Variants in PREX2 observed in about 807,000 individuals in gnomAD.
PREX2 encodes phosphatidylinositol 3,4,5-trisphosphate-dependent Rac exchanger 2 protein.
In PREX2, 107 loss-of-function variants were observed where a neutral mutation model predicts 203.2. That is an observed-to-expected ratio of 0.53 (90% CI 0.45 to 0.62). The LOEUF (loss-of-function observed/expected upper bound fraction) is 0.62, where lower values mean the gene tolerates loss of function less well. Among genes scored for constraint, PREX2 ranks in the 20% least tolerant of loss-of-function variants. PREX2 has a pLI of 0.00. For synonymous variants in PREX2, 672 were observed against 663.6 expected (o/e 1.01, Z -0.19); for missense variants, 1,777 against 1,955.9 (o/e 0.91, Z 1.72).
intron 38 of PREX2, among the ~76,000 whole-genome samples, chr8:68,223,038 G>A (rs893757399): frequency 2.0e-5 from 3 of 152,204 alleles, no homozygotes; most frequent in East Asian, 1.9e-4. Context: ...ACAGGTAAGC[G>A]AAAGGCAATA....
intron 25 of PREX2, among the ~76,000 whole-genome samples, chr8:68,113,379 T>C (rs1415853396): frequency 1.3e-5 from 2 of 152,238 alleles, no homozygotes; most frequent in Non-Finnish European, 2.9e-5. Flanking sequence ...CCTGCATTTT[T>C]TCCCTCTTTG....
intron 34 of PREX2, among the ~76,000 whole-genome samples, chr8:68,151,306 A>G (rs1165613435): frequency 6.6e-6 from 1 of 152,006 alleles, no homozygotes; most frequent in Non-Finnish European, 1.5e-5. Context: ...AGTCCTACGT[A>G]TTCGGGAGAC....
intron 31 of PREX2, among the ~76,000 whole-genome samples, chr8:68,132,433 G>A (rs1811026813): frequency 6.6e-6 from 1 of 151,720 alleles, no homozygotes; most frequent in African/African-American, 2.4e-5. Flanking sequence ...TACCAAAGCA[G>A]CATGTTTCTA....
chr8:67,971,854 T>C (rs1354994183), intron 1 of PREX2, among the ~76,000 whole-genome samples: 3 of 152,240 alleles, frequency 2.0e-5, no homozygotes, highest in African/African-American at 7.2e-5. Context: ...GAAGTACTCC[T>C]GACGTGGGAA....
chr8:68,141,230 T>A (rs1298633969), intron 33 of PREX2, among the ~76,000 whole-genome samples: 1 of 152,196 alleles, frequency 6.6e-6, no homozygotes, highest in Non-Finnish European at 1.5e-5. Context: ...TCTGCATCAG[T>A]TTAGGAGAAT....
At chr8:68,041,214 A>G (rs1808187378) in intron 7 of PREX2, among the ~76,000 whole-genome samples, 1 of 152,190 alleles carries the variant, frequency 6.6e-6, no homozygotes, top group African/African-American at 2.4e-5. Context: ...CAGCATTTAG[A>G]AAACTATAGT....
chr8:68,171,840 G>C (rs978840976), intron 35 of PREX2, among the ~76,000 whole-genome samples: 2 of 152,198 alleles, frequency 1.3e-5, no homozygotes, highest in Non-Finnish European at 2.9e-5. Flanking sequence ...GAGGGAGAAA[G>C]AGAATATTAA....
chr8:68,132,860 G>GT (rs1811034993), intron 31 of PREX2, among the ~76,000 whole-genome samples: 1 of 152,112 alleles, frequency 6.6e-6, no homozygotes, highest in South Asian at 2.1e-4. Flanking sequence ...TGTTTCTGTA[G>GT]TTTGTATATA....
intron 34 of PREX2, among the ~76,000 whole-genome samples, chr8:68,154,245 T>C (rs562404846): frequency 6.6e-6 from 1 of 152,382 alleles, no homozygotes; most frequent in South Asian, 2.1e-4. Flanking sequence ...GGAATTAAAT[T>C]AGGTAATACC....
intron 39 of PREX2, among the ~76,000 whole-genome samples, chr8:68,230,829 T>C (rs1167161307): frequency 6.6e-6 from 1 of 152,122 alleles, no homozygotes; most frequent in African/African-American, 2.4e-5. Context: ...GATTTAGGTC[T>C]CAGGAATCTT....
chr8:67,952,551 A>T lies in PREX2; in HGVS notation c.141+16A>T. The T allele has an allele frequency of 6.2e-7, 1 of 1,606,418 alleles. No homozygotes were observed. The highest frequency in any genetic ancestry group is 8.5e-7 in the Non-Finnish European group (1 of 1,176,536). On this transcript the variant is annotated intron_variant, in intron 1 of 39. Coordinates refer to ENST00000288368, the MANE Select transcript of PREX2 (RefSeq NM_024870.4). Reference sequence around the variant, plus strand: ...CCTGGTGTCGGTGAGTGTCCCCGGCAGACGCAGGGGGACGTCCGGGCGGCG... The same window carrying T: ...CCTGGTGTCGGTGAGTGTCCCCGGCTGACGCAGGGGGACGTCCGGGCGGCG...
chr8:68,146,384 C>G (rs764658806), intron 34 of PREX2, 32 bp downstream of exon 34: 119 of 1,541,946 alleles, frequency 7.7e-5, no homozygotes, highest in Admixed American at 3.8e-4. Context: ...GGCTGCTATA[C>G]TTTAATTATT....
intron 35 of PREX2, among the ~76,000 whole-genome samples, chr8:68,182,189 G>A (rs757356099): frequency 1.3e-5 from 2 of 152,074 alleles, no homozygotes; most frequent in Non-Finnish European, 2.9e-5. Flanking sequence ...TAAGAGTTAA[G>A]CACTTAAAAT....
intron 13 of PREX2, among the ~76,000 whole-genome samples, chr8:68,070,822 A>G (rs1809171692): frequency 6.6e-6 from 1 of 152,162 alleles, no homozygotes; most frequent in Non-Finnish European, 1.5e-5. Flanking sequence ...TTATACTGCA[A>G]AGAGAACACA....
intron 14 of PREX2, among the ~76,000 whole-genome samples, chr8:68,076,246 T>G (rs1585762831): frequency 6.6e-6 from 1 of 152,000 alleles, no homozygotes; most frequent in Admixed American, 6.6e-5. Flanking sequence ...CACCTGAGGT[T>G]AGGAGTTTGA....
chr8:68,160,290 G>A (rs1051106565), intron 35 of PREX2, among the ~76,000 whole-genome samples: 10 of 152,124 alleles, frequency 6.6e-5, no homozygotes, highest in African/African-American at 2.4e-4. Context: ...TTTAGAAGAT[G>A]CATCAGAATT....
intron 38 of PREX2, 40 bp downstream of exon 38, chr8:68,217,758 C>A: frequency 7.0e-7 from 1 of 1,430,068 alleles, no homozygotes; most frequent in African/African-American, 1.4e-5. Flanking sequence ...GTTTTGTAGG[C>A]CCTGGACTTG....
At chr8:67,956,121 GT>G (rs1423347006) in intron 1 of PREX2, among the ~76,000 whole-genome samples, 2 of 152,144 alleles carry the variant, frequency 1.3e-5, no homozygotes, top group Non-Finnish European at 2.9e-5. Context: ...TTATGTTCTT[GT>G]TTTGCTTGGG....
intron 31 of PREX2, among the ~76,000 whole-genome samples, chr8:68,130,700 C>T (rs547947944): frequency 6.6e-6 from 1 of 152,302 alleles, no homozygotes; most frequent in Admixed American, 6.5e-5. Flanking sequence ...TGATATGCCT[C>T]TAAGGAGGGT....
Sources: allele counts gnomAD v4.1 joint callset (sites outside exome capture counted in the v4.1 genomes callset), GRCh38; gene constraint gnomAD v4.1.1; transcripts MANE v1.5; gene names NCBI Gene and HGNC (gene_info 2026-07-23, HGNC 2026-07-21).